The following SPMIP2 variants were observed in gnomAD, a reference collection of about 807,000 sequenced individuals.
SPMIP2 encodes protein SPMIP2.
chr4:158,921,316 T>C, the SPMIP2 span, among the ~76,000 whole-genome samples: 3 of 152,088 alleles, frequency 2.0e-5, no homozygotes, highest in Non-Finnish European at 4.4e-5. Flanking sequence ...GTGGCATGCA[T>C]TTGTAATTCC....
At chr4:159,047,126 G>A in the SPMIP2 span, among the ~76,000 whole-genome samples, 1 of 151,992 alleles carries the variant, frequency 6.6e-6, no homozygotes, top group Non-Finnish European at 1.5e-5. Flanking sequence ...CTTATGCTCT[G>A]GAACCTAGCA....
chr4:158,923,837 C>A, the SPMIP2 span, among the ~76,000 whole-genome samples: 2 of 151,990 alleles, frequency 1.3e-5, no homozygotes, highest in Non-Finnish European at 2.9e-5. Context: ...ATATTATATT[C>A]TCTGTGGTTT....
At chr4:158,957,056 C>T in the SPMIP2 span, among the ~76,000 whole-genome samples, 1 of 151,924 alleles carries the variant, frequency 6.6e-6, no homozygotes, top group Non-Finnish European at 1.5e-5. Context: ...CTCAGTCTCC[C>T]CAGTAACTGA....
the SPMIP2 span, among the ~76,000 whole-genome samples, chr4:159,009,194 A>G: frequency 1.3e-5 from 2 of 152,242 alleles, no homozygotes; most frequent in African/African-American, 4.8e-5. Flanking sequence ...GCATGATTAT[A>G]GCATGGCTTC....
chr4:158,960,075 T>C, the SPMIP2 span, among the ~76,000 whole-genome samples: 1 of 152,134 alleles, frequency 6.6e-6, no homozygotes, highest in African/African-American at 2.4e-5. Context: ...TCTAACTATG[T>C]TGCGTTATTC....
chr4:159,018,337 T>C, the SPMIP2 span, among the ~76,000 whole-genome samples: 2 of 152,196 alleles, frequency 1.3e-5, no homozygotes, highest in African/African-American at 2.4e-5. Flanking sequence ...AAAATGTCTC[T>C]TGTGGCCCAG....
At chr4:158,980,577 A>G in the SPMIP2 span, among the ~76,000 whole-genome samples, 1 of 152,166 alleles carries the variant, frequency 6.6e-6, no homozygotes, top group Non-Finnish European at 1.5e-5. Context: ...TCTGGAGTGG[A>G]CCTCCAACAA....
At chr4:158,895,963 C>T in the SPMIP2 span, 1 of 819,178 alleles carries the variant, frequency 1.2e-6, no homozygotes, top group Admixed American at 2.1e-5. Flanking sequence ...AACCTCAGGC[C>T]CTGGTAACCC....
chr4:158,910,432 G>A, the SPMIP2 span, among the ~76,000 whole-genome samples: 56 of 151,924 alleles, frequency 3.7e-4, no homozygotes, highest in Middle Eastern at 3.4e-3. Context: ...GCACCACCAC[G>A]CCAGCTAATT....
chr4:158,902,374 G>GCACC, the SPMIP2 span, among the ~76,000 whole-genome samples: 1 of 152,152 alleles, frequency 6.6e-6, no homozygotes, highest in Non-Finnish European at 1.5e-5. Context: ...TCCCAGAGGG[G>GCACC]CACCCACCAG....
chr4:159,000,494 CTTTT>C, the SPMIP2 span, among the ~76,000 whole-genome samples: 4 of 129,988 alleles, frequency 3.1e-5, no homozygotes, highest in African/African-American at 2.8e-5. Flanking sequence ...TCTTCTTCTT[CTTTT>C]TTTTTTTTTT....
At chr4:158,899,845 G>C in the SPMIP2 span, among the ~76,000 whole-genome samples, 36 of 151,636 alleles carry the variant, frequency 2.4e-4, no homozygotes, top group Middle Eastern at 3.4e-3. Flanking sequence ...TCTCTATCTC[G>C]TTCAGTTCTG....
the SPMIP2 span, among the ~76,000 whole-genome samples, chr4:158,956,674 T>A: frequency 2.6e-5 from 4 of 152,360 alleles, no homozygotes; most frequent in African/African-American, 9.6e-5. Context: ...TCTCTTCACC[T>A]AAAATTAAGA....
At chr4:158,985,618 T>C in the SPMIP2 span, among the ~76,000 whole-genome samples, 5 of 152,328 alleles carry the variant, frequency 3.3e-5, no homozygotes, top group South Asian at 6.2e-4. Flanking sequence ...AAATTAGGTA[T>C]TGATGAGACG....
the SPMIP2 span, among the ~76,000 whole-genome samples, chr4:159,042,329 C>T: frequency 6.6e-6 from 1 of 152,218 alleles, no homozygotes; most frequent in Admixed American, 6.5e-5. Context: ...TTTGACTTGG[C>T]TGCTGCTCAA....
chr4:158,989,484 T>C, the SPMIP2 span, among the ~76,000 whole-genome samples: 5 of 152,134 alleles, frequency 3.3e-5, no homozygotes, highest in Non-Finnish European at 7.4e-5. Flanking sequence ...CAAACTATAC[T>C]ACAAGGCTAC....
chr4:159,072,945 C>T, the SPMIP2 span, among the ~76,000 whole-genome samples: 1 of 152,032 alleles, frequency 6.6e-6, no homozygotes, highest in Non-Finnish European at 1.5e-5. Flanking sequence ...TGGACTATTT[C>T]CTATCTTTTC....
At chr4:158,954,114 CA>C in the SPMIP2 span, among the ~76,000 whole-genome samples, 1 of 152,060 alleles carries the variant, frequency 6.6e-6, no homozygotes, top group Non-Finnish European at 1.5e-5. Flanking sequence ...TTGGAGGGGC[CA>C]GGGGCAGAAT....
chr4:159,016,149 AC>A, the SPMIP2 span, among the ~76,000 whole-genome samples: 4 of 152,042 alleles, frequency 2.6e-5, no homozygotes, highest in Non-Finnish European at 5.9e-5. Flanking sequence ...CTTGTGAAAC[AC>A]GGGGATGGGA....
Sources: gnomAD v4.1 joint callset for allele counts (sites outside exome capture counted in the v4.1 genomes callset) on GRCh38, gnomAD v4.1.1 for gene constraint, MANE v1.5 for transcripts, NCBI Gene and HGNC (gene_info 2026-07-23, HGNC 2026-07-21) for gene names.